Variants in DPP6 observed in about 807,000 individuals in gnomAD.
DPP6 encodes A-type potassium channel modulatory protein DPP6.
A neutral mutation model predicts 122.6 loss-of-function variants in DPP6; 69 were observed. The ratio of observed to expected loss-of-function variants is 0.56; its 90% CI spans 0.46 to 0.69. The LOEUF is 0.69. DPP6 is among the 30% of genes least tolerant of loss of function. The pLI, the probability that DPP6 is intolerant of heterozygous loss-of-function variation, is 0.00. For synonymous variants in DPP6, 418 were observed against 433.1 expected, an observed-to-expected ratio of 0.97 and a Z score of 0.43; for missense variants, 928 against 1,116.9, an observed-to-expected ratio of 0.83 and a Z score of 2.41.
chr7:154,871,476 A>G (rs1804395090), intron 18 of DPP6, among the ~76,000 whole-genome samples: 1 of 151,978 alleles, frequency 6.6e-6, no homozygotes, highest in Admixed American at 6.6e-5. Flanking sequence ...GCTTTTCTTT[A>G]TTTTATTTTA....
chr7:154,724,396 A>G (rs1471316239), intron 7 of DPP6, among the ~76,000 whole-genome samples: 1 of 152,082 alleles, frequency 6.6e-6, no homozygotes, highest in Admixed American at 6.6e-5. Context: ...GTCACTTCCC[A>G]TGGTCAATGG....
chr7:154,185,437 G>T (rs1798306201), intron 1 of DPP6, among the ~76,000 whole-genome samples: 1 of 152,110 alleles, frequency 6.6e-6, no homozygotes, highest in Non-Finnish European at 1.5e-5. Context: ...ATCAATATCA[G>T]AGTCCGTTCC....
intron 1 of DPP6, among the ~76,000 whole-genome samples, chr7:154,303,887 T>G (rs1182360853): frequency 6.6e-6 from 1 of 152,030 alleles, no homozygotes; most frequent in Non-Finnish European, 1.5e-5. Context: ...TGCCTTGCAT[T>G]TTGCTGGCTG....
At chr7:154,876,300 T>A in intron 20 of DPP6, 200 bp downstream of exon 20, 1 of 974,452 alleles carries the variant, frequency 1.0e-6, no homozygotes, top group Non-Finnish European at 1.4e-6. Flanking sequence ...CATTTATAAC[T>A]AGTTTTCCCA....
At chr7:154,071,685 T>C (rs1372285651) in intron 1 of DPP6, among the ~76,000 whole-genome samples, 1 of 152,254 alleles carries the variant, frequency 6.6e-6, no homozygotes, top group Non-Finnish European at 1.5e-5. Context: ...ATGCCAGATA[T>C]CATTTTTCTC....
intron 1 of DPP6, among the ~76,000 whole-genome samples, chr7:153,965,232 A>G (rs1795635475): frequency 6.6e-6 from 1 of 152,044 alleles, no homozygotes; most frequent in African/African-American, 2.4e-5. Context: ...TAATGCTTTT[A>G]TTAGTTCACA....
intron 16 of DPP6, among the ~76,000 whole-genome samples, chr7:154,815,382 C>A (rs1799355930): frequency 6.6e-6 from 1 of 152,208 alleles, no homozygotes; most frequent in Non-Finnish European, 1.5e-5. Flanking sequence ...TTTTCTCCTA[C>A]CCATCTAAAT....
intron 1 of DPP6, among the ~76,000 whole-genome samples, chr7:153,961,352 T>TTTTTTTATTTTA (rs556165430): frequency 1.1e-4 from 1 of 8,706 alleles, no homozygotes; most frequent in East Asian, 0.12. Flanking sequence ...TTTTATTTTA[T>TTTTTTTATTTTA]TTTTTTTTAC....
intron 9 of DPP6, among the ~76,000 whole-genome samples, chr7:154,771,350 G>C (rs894286764): frequency 1.3e-5 from 2 of 152,222 alleles, no homozygotes; most frequent in African/African-American, 4.8e-5. Flanking sequence ...GGCTGATTTG[G>C]TTCCTGGTGA....
chr7:154,283,904 C>G (rs1563414026), intron 1 of DPP6, among the ~76,000 whole-genome samples: 1 of 152,136 alleles, frequency 6.6e-6, no homozygotes, highest in Non-Finnish European at 1.5e-5. Flanking sequence ...TTTCAGGGCT[C>G]TTTGCAGATG....
the DPP6 span, among the ~76,000 whole-genome samples, chr7:153,866,008 T>A: frequency 3.9e-5 from 6 of 152,268 alleles, no homozygotes; most frequent in South Asian, 1.2e-3. Context: ...CTGCATAGTA[T>A]TTCATGGTGT....
At chr7:154,364,262 C>G (rs1255330782) in intron 1 of DPP6, among the ~76,000 whole-genome samples, 1 of 152,194 alleles carries the variant, frequency 6.6e-6, no homozygotes, top group Admixed American at 6.5e-5. Context: ...ACCATACTCA[C>G]ATGGATGATG....
At chr7:154,049,993 C>T (rs1450772202), upstream of DPP6, among the ~76,000 whole-genome samples, 2 of 152,182 alleles carry the variant, frequency 1.3e-5, no homozygotes, top group Non-Finnish European at 2.9e-5. Context: ...CTGGATCATC[C>T]TTGAGGAACA....
intron 4 of DPP6, among the ~76,000 whole-genome samples, chr7:154,558,285 A>G (rs1830185644): frequency 6.6e-6 from 1 of 152,254 alleles, no homozygotes; most frequent in Non-Finnish European, 1.5e-5. Flanking sequence ...TTATATGTGA[A>G]TAATGAAACA....
intron 3 of DPP6, among the ~76,000 whole-genome samples, chr7:154,480,135 C>T (rs774351796): frequency 6.6e-5 from 10 of 152,106 alleles, no homozygotes; most frequent in Non-Finnish European, 1.3e-4. Flanking sequence ...TCCTTTCTCC[C>T]CTAAATTTTT....
chr7:154,701,245 C>A (rs1394289981), intron 7 of DPP6, among the ~76,000 whole-genome samples: 1 of 152,192 alleles, frequency 6.6e-6, no homozygotes, highest in East Asian at 1.9e-4. Flanking sequence ...ACAGACTGGG[C>A]TTTCCAGGCC....
Position 154,801,444 on chromosome 7 carries a change from C to T in DPP6, c.1389C>T (p.Ile463=), listed in dbSNP as rs776277127. Residue 463 remains isoleucine (I), a synonymous_variant, in exon 13 of 26, where the codon ATC becomes ATT. Transcript: ENST00000377770. ...GAGGACGAGGGAAATTCTATCACATCACGGTGTCCTCGTCCCAGGTAAGTC... is the reference window on the plus strand; with the variant it reads ...GAGGACGAGGGAAATTCTATCACATTACGGTGTCCTCGTCCCAGGTAAGTC... ...PQGGRGKFYH[I]TVSSSQPNSS... 7.6e-6 allele frequency: 12 copies of T among 1,587,630 alleles called. No individual in the cohort carries two copies. In the East Asian group the frequency reaches 2.3e-4, roughly 30 times the overall value.
At chr7:154,218,622 A>C (rs1460497050) in intron 1 of DPP6, among the ~76,000 whole-genome samples, 2 of 152,204 alleles carry the variant, frequency 1.3e-5, no homozygotes, top group African/African-American at 4.8e-5. Context: ...TAAATTATAT[A>C]GTCTGCAGCT....
At chr7:154,697,493 C>T (rs1464899753) in intron 7 of DPP6, among the ~76,000 whole-genome samples, 2 of 152,234 alleles carry the variant, frequency 1.3e-5, no homozygotes, top group African/African-American at 4.8e-5. Flanking sequence ...TCTCATCGGG[C>T]CCCTTGGCAT....
Sources: gnomAD v4.1 joint callset for allele counts (sites outside exome capture counted in the v4.1 genomes callset) on GRCh38, gnomAD v4.1.1 for gene constraint, MANE v1.5 for transcripts, NCBI Gene and HGNC (gene_info 2026-07-23, HGNC 2026-07-21) for gene names.